The following CNTN6 variants were observed in gnomAD, a reference collection of about 807,000 sequenced individuals.
The protein encoded by CNTN6 is contactin-6.
A neutral mutation model predicts 122.8 loss-of-function variants in CNTN6; 137 were observed. The observed-to-expected ratio is 1.12, with a 90% CI of 0.97 to 1.29. The LOEUF (loss-of-function observed/expected upper bound fraction) is 1.29, where lower values mean the gene tolerates loss of function less well. Among genes scored for constraint, CNTN6 ranks in the 50% most tolerant of loss-of-function variants. The pLI, the probability that CNTN6 is intolerant of heterozygous loss-of-function variation, is 0.00. For missense variants in CNTN6, 1,634 were observed against 1,223.4 expected (o/e 1.34, Z -5.01); for synonymous variants, 570 against 426.0 (o/e 1.34, Z -4.16).
At chr3:1,375,455 A>G (rs1709722502) in intron 16 of CNTN6, among the ~76,000 whole-genome samples, 1 of 152,076 alleles carries the variant, frequency 6.6e-6, no homozygotes, top group Admixed American at 6.6e-5. Flanking sequence ...TGTTCTCAAT[A>G]TGGTTTTAGG....
At chr3:1,286,208 A>C (rs1287836874) in intron 5 of CNTN6, among the ~76,000 whole-genome samples, 1 of 151,938 alleles carries the variant, frequency 6.6e-6, no homozygotes, top group Non-Finnish European at 1.5e-5. Context: ...TTCTCTTTTT[A>C]TTATCATACT....
intron 12 of CNTN6, among the ~76,000 whole-genome samples, chr3:1,363,910 A>G (rs1209783917): frequency 1.3e-5 from 2 of 151,888 alleles, no homozygotes; most frequent in African/African-American, 4.8e-5. Flanking sequence ...TCCACACCCT[A>G]GATAACAGTC....
intron 7 of CNTN6, among the ~76,000 whole-genome samples, chr3:1,304,809 A>G (rs1698063892): frequency 6.6e-6 from 1 of 151,764 alleles, no homozygotes; most frequent in South Asian, 2.1e-4. Context: ...CTGGCCAAGA[A>G]GGTGAAACCC....
At chr3:1,305,472 A>G (rs17037470) in intron 7 of CNTN6, among the ~76,000 whole-genome samples, 4,819 of 152,250 alleles carry the variant, frequency 0.032, 127 homozygotes, top group South Asian at 0.057. Flanking sequence ...TAATTATGAA[A>G]GCTGCAAATT....
At chr3:1,329,981 C>T (rs1181740685) in intron 11 of CNTN6, 46 bp downstream of exon 11, 1 of 1,417,596 alleles carries the variant, frequency 7.1e-7, no homozygotes, top group Admixed American at 2.9e-5. Flanking sequence ...TGTAATATAA[C>T]ATCTTCCAAA....
chr3:1,248,665 C>CA (rs2125653511), intron 4 of CNTN6, among the ~76,000 whole-genome samples: 1 of 151,994 alleles, frequency 6.6e-6, no homozygotes, highest in South Asian at 2.1e-4. Flanking sequence ...ACTAAAAATA[C>CA]AAAAATTAGC....
intron 7 of CNTN6, among the ~76,000 whole-genome samples, chr3:1,313,865 T>A (rs1215206409): frequency 6.6e-6 from 1 of 152,032 alleles, no homozygotes; most frequent in African/African-American, 2.4e-5. Context: ...AGGGCTGATC[T>A]CTGGTTCATC....
At chr3:1,263,415 A>G (rs2094878827) in intron 4 of CNTN6, among the ~76,000 whole-genome samples, 1 of 152,150 alleles carries the variant, frequency 6.6e-6, no homozygotes, top group East Asian at 1.9e-4. Flanking sequence ...CCATAATTTG[A>G]CCAGACTCAG....
At chr3:1,129,758 TAAATG>T (rs2092285137) in intron 1 of CNTN6, among the ~76,000 whole-genome samples, 1 of 152,110 alleles carries the variant, frequency 6.6e-6, no homozygotes, top group South Asian at 2.1e-4. Context: ...AACTGAAAGT[TAAATG>T]TATGTGACTT....
intron 9 of CNTN6, among the ~76,000 whole-genome samples, chr3:1,326,265 T>C (rs1364696613): frequency 6.6e-6 from 1 of 151,830 alleles, no homozygotes; most frequent in Non-Finnish European, 1.5e-5. Flanking sequence ...TGAACTCTCA[T>C]ATGAGCCAAG....
intron 7 of CNTN6, among the ~76,000 whole-genome samples, chr3:1,315,117 A>C (rs1164803484): frequency 1.3e-5 from 2 of 152,046 alleles, no homozygotes; most frequent in African/African-American, 4.8e-5. Context: ...TGACTCTGTA[A>C]CATCAGTTTC....
At chr3:1,182,877 A>C (rs1465517197) in intron 2 of CNTN6, among the ~76,000 whole-genome samples, 1 of 152,108 alleles carries the variant, frequency 6.6e-6, no homozygotes, top group East Asian at 1.9e-4. Context: ...CATCCTAGAG[A>C]GGTCTATTCT....
At chr3:1,215,282 A>G (rs1447154686) in intron 2 of CNTN6, among the ~76,000 whole-genome samples, 2 of 152,234 alleles carry the variant, frequency 1.3e-5, no homozygotes, top group Admixed American at 1.3e-4. Flanking sequence ...AAGGATCTTA[A>G]TGTTGAATCA....
At position 1,253,399 on chromosome 3, in the gene CNTN6, A is replaced by G. The variant is rs545326895; in HGVS notation, c.359-25014A>G. ...GGAATAAATAGTTATTGGTGTTTAT[A>G]TACTCTATAATTATTATATGTTGAT... On this transcript the variant is annotated intron_variant, in intron 4 of 22. Coordinates refer to ENST00000446702, the MANE Select transcript of CNTN6 (RefSeq NM_001289080.2). Among the ~76,000 whole-genome samples, 4 of 152,266 alleles carry G rather than the reference A, an allele frequency of 2.6e-5. No homozygotes were observed. The South Asian group carries it at 6.2e-4, about 24-fold the overall frequency.
intron 4 of CNTN6, among the ~76,000 whole-genome samples, chr3:1,253,638 G>T (rs569824704): frequency 6.6e-6 from 1 of 152,212 alleles, no homozygotes; most frequent in Non-Finnish European, 1.5e-5. Context: ...GTTTCAGCAG[G>T]TATTAGATTC....
chr3:1,237,015 A>G, intron 4 of CNTN6, among the ~76,000 whole-genome samples: 1 of 152,002 alleles, frequency 6.6e-6, no homozygotes, highest in East Asian at 1.9e-4. Context: ...TGGGAGGCAG[A>G]GCTTGCAGTG....
At chr3:1,383,826 T>G (rs1692324241) in intron 19 of CNTN6, among the ~76,000 whole-genome samples, 1 of 146,644 alleles carries the variant, frequency 6.8e-6, no homozygotes. Flanking sequence ...ATGGGTGAGT[T>G]AGTTATTCAG....
chr3:1,329,257 G>A (rs1575725771), intron 10 of CNTN6, among the ~76,000 whole-genome samples: 1 of 151,296 alleles, frequency 6.6e-6, no homozygotes, highest in African/African-American at 2.4e-5. Context: ...GTATATGTGT[G>A]TGTGTGTTTC....
chr3:1,242,623 A>G (rs1270472425), intron 4 of CNTN6, among the ~76,000 whole-genome samples: 2 of 152,106 alleles, frequency 1.3e-5, no homozygotes, highest in African/African-American at 2.4e-5. Context: ...TTGCCAGGGA[A>G]GGAGTAGAGA....
Sources: allele counts gnomAD v4.1 joint callset (sites outside exome capture counted in the v4.1 genomes callset), GRCh38; gene constraint gnomAD v4.1.1; transcripts MANE v1.5; gene names NCBI Gene and HGNC (gene_info 2026-07-23, HGNC 2026-07-21).